Variants in MYRFL observed in about 807,000 individuals in gnomAD.
MYRFL encodes myelin regulatory factor like, also known as myelin regulatory factor-like protein.
A neutral mutation model predicts 109.4 loss-of-function variants in MYRFL; 88 were observed. The ratio of observed to expected loss-of-function variants is 0.80; its 90% CI spans 0.68 to 0.96. MYRFL has a LOEUF of 0.96. Among genes scored for constraint, MYRFL ranks in the 40% least tolerant of loss-of-function variants. The pLI, the probability that MYRFL is intolerant of heterozygous loss-of-function variation, is 0.00. For missense variants in MYRFL, 957 were observed against 954.9 expected, an observed-to-expected ratio of 1.00 and a Z score of -0.03; for synonymous variants, 324 against 320.9, an observed-to-expected ratio of 1.01 and a Z score of -0.10.
intron 15 of MYRFL, 65 bp downstream of exon 15, chr12:69,927,813 C>T (rs1955144045): frequency 7.1e-7 from 1 of 1,400,654 alleles, no homozygotes; most frequent in Non-Finnish European, 9.6e-7. Flanking sequence ...TTAGAGAAAT[C>T]AGTCAAGAAT....
chr12:69,910,951 A>G, intron 13 of MYRFL, 21 bp downstream of exon 13: 1 of 1,479,114 alleles, frequency 6.8e-7, no homozygotes, highest in Non-Finnish European at 9.1e-7. Context: ...AAAAGATATC[A>G]GCTGCTATAA....
chr12:69,825,358 T>C lies in MYRFL; in HGVS notation c.-160T>C, dbSNP rs928565014. 1.4e-6 allele frequency: 1 copy of C among 698,126 alleles called. No homozygotes were observed. The highest frequency in any genetic ancestry group is 2.6e-6 in the Non-Finnish European group (1 of 382,296). The allele number at this position is 698,126 out of a possible 1,614,324, so 43.2% of individuals were successfully genotyped here. A position where few individuals can be genotyped will look rare whatever the true frequency, so the allele number is the denominator to read the frequency against. ...ACATTTGAAAACTCAACCATCTTTC[T>C]GGGCACAATTTGATGGCTGAAGATA... On this transcript the variant is annotated 5_prime_UTR_variant, in exon 1 of 25. Transcript: ENST00000552032.
At chr12:69,879,677 G>A (rs1299162563) in intron 4 of MYRFL, among the ~76,000 whole-genome samples, 1 of 152,160 alleles carries the variant, frequency 6.6e-6, no homozygotes, top group Non-Finnish European at 1.5e-5. Context: ...AAGCTAAAAT[G>A]TCAGAAATAT....
At position 69,957,903 on chromosome 12, in the gene MYRFL, G is replaced by C; in HGVS notation, c.2532G>C (p.Gly844=). 1 of 1,535,046 alleles carries C rather than the reference G, an allele frequency of 6.5e-7. No individual in the cohort carries two copies. The highest frequency in any genetic ancestry group is 8.7e-7 in the Non-Finnish European group (1 of 1,146,102). ...TCCATAGTAAAAGGGGAACCAAAGG[G>C]CTGGAAAGCCACAGAGAAATCTCCC... ...ICFHSKRGTK[G]LESHREISQE... Residue 844 remains glycine, a synonymous_variant, in exon 23 of 25, where the codon GGG becomes GGC. Coordinates refer to ENST00000552032, the MANE Select transcript of MYRFL (RefSeq NM_182530.3).
At chr12:69,944,596 AG>A (rs1390501315) in intron 19 of MYRFL, among the ~76,000 whole-genome samples, 2 of 151,596 alleles carry the variant, frequency 1.3e-5, no homozygotes, top group Non-Finnish European at 2.9e-5. Context: ...ATGACGAGTT[AG>A]TGGGTGCAGC....
intron 13 of MYRFL, among the ~76,000 whole-genome samples, chr12:69,916,471 C>G (rs151052312): frequency 6.6e-6 from 1 of 152,166 alleles, no homozygotes; most frequent in South Asian, 2.1e-4. Context: ...CAGTTAAACA[C>G]TCAGTACTAT....
intron 12 of MYRFL, among the ~76,000 whole-genome samples, chr12:69,910,407 G>T (rs779470563): frequency 4.0e-4 from 61 of 152,240 alleles, no homozygotes; most frequent in Non-Finnish European, 7.6e-4. Flanking sequence ...CAGTCGGGAG[G>T]TGGAGGGAGA....
At chr12:69,856,021 C>T (rs1055519117) in intron 2 of MYRFL, among the ~76,000 whole-genome samples, 7 of 151,906 alleles carry the variant, frequency 4.6e-5, no homozygotes, top group African/African-American at 1.7e-4. Context: ...GTAATATAAC[C>T]ACTACCATTA....
At chr12:69,848,345 T>C (rs1883680685) in intron 1 of MYRFL, among the ~76,000 whole-genome samples, 1 of 152,010 alleles carries the variant, frequency 6.6e-6, no homozygotes, top group South Asian at 2.1e-4. Flanking sequence ...ATTGTAGATA[T>C]ATTAAATTTA....
intron 10 of MYRFL, 79 bp from the exon 11 acceptor site, chr12:69,903,565 C>A: frequency 7.3e-7 from 1 of 1,370,506 alleles, no homozygotes; most frequent in Non-Finnish European, 9.9e-7. Context: ...ATTCAGTTTG[C>A]CTTTGCTCTG....
At chr12:69,913,386 A>G (rs1189578677) in intron 13 of MYRFL, among the ~76,000 whole-genome samples, 5 of 152,120 alleles carry the variant, frequency 3.3e-5, no homozygotes, top group African/African-American at 1.2e-4. Context: ...CAAATCCAAT[A>G]TTGTAAAGAT....
chr12:69,830,354 T>C (rs1314861220), intron 1 of MYRFL, among the ~76,000 whole-genome samples: 1 of 151,080 alleles, frequency 6.6e-6, no homozygotes, highest in Non-Finnish European at 1.5e-5. Flanking sequence ...GAAAGAGCTT[T>C]TATTTCTATG....
intron 19 of MYRFL, among the ~76,000 whole-genome samples, chr12:69,939,774 C>T (rs1955584878): frequency 6.6e-6 from 1 of 151,484 alleles, no homozygotes; most frequent in African/African-American, 2.4e-5. Flanking sequence ...AAACCAAAGG[C>T]AAAGAAGTTG....
intron 2 of MYRFL, among the ~76,000 whole-genome samples, chr12:69,875,400 G>T (rs1302596763): frequency 6.6e-6 from 1 of 151,686 alleles, no homozygotes; most frequent in Non-Finnish European, 1.5e-5. Context: ...GTGCTTGTCT[G>T]CTCCATTTAG....
rs561962453 is a variant in MYRFL, at chr12:69,928,983, G to A, written c.1830+1235G>A. On this transcript the variant is annotated intron_variant, in intron 15 of 24. Coordinates refer to ENST00000552032, the MANE Select transcript of MYRFL (RefSeq NM_182530.3). ...TTCTCTTTATTTTGCAGTTATCTCA[G>A]AATATTAACTAGAATATATGGCTCA... Among the ~76,000 whole-genome samples, 3 of 152,238 alleles carry A rather than the reference G, an allele frequency of 2.0e-5. No homozygotes were observed. In the East Asian group the frequency reaches 5.8e-4, roughly 29 times the overall value.
intron 2 of MYRFL, among the ~76,000 whole-genome samples, chr12:69,857,843 A>G (rs553313793): frequency 1.3e-5 from 2 of 151,958 alleles, no homozygotes; most frequent in South Asian, 4.1e-4. Flanking sequence ...TTCAAACTGT[A>G]TATCTTTTGA....
At chr12:69,891,274 C>T (rs1268687523) in intron 7 of MYRFL, 108 bp downstream of exon 7, 1 of 855,924 alleles carries the variant, frequency 1.2e-6, no homozygotes, top group Non-Finnish European at 1.6e-6. Context: ...AATAACAGTC[C>T]TTTATTTTGG....
intron 2 of MYRFL, among the ~76,000 whole-genome samples, chr12:69,875,988 A>G (rs1885641025): frequency 6.6e-6 from 1 of 152,156 alleles, no homozygotes; most frequent in African/African-American, 2.4e-5. Context: ...AAGTAACTCA[A>G]ATTTCAGTTC....
intron 19 of MYRFL, among the ~76,000 whole-genome samples, chr12:69,947,484 GT>G (rs1488459525): frequency 6.6e-6 from 1 of 152,184 alleles, no homozygotes; most frequent in Non-Finnish European, 1.5e-5. Flanking sequence ...GAAGTGGAAA[GT>G]GAGTATTTTG....
Sources: allele counts gnomAD v4.1 joint callset (sites outside exome capture counted in the v4.1 genomes callset), GRCh38; gene constraint gnomAD v4.1.1; transcripts MANE v1.5; gene names NCBI Gene and HGNC (gene_info 2026-07-23, HGNC 2026-07-21).